Variants in RORA observed in about 807,000 individuals in gnomAD.
The protein encoded by RORA is nuclear receptor ROR-alpha.
RORA carries 7 observed loss-of-function variants against 69.5 expected under a neutral mutation model. The observed-to-expected ratio is 0.10, with a 90% CI of 0.06 to 0.19. The LOEUF (loss-of-function observed/expected upper bound fraction) is 0.19. Among genes scored for constraint, RORA ranks in the 10% least tolerant of loss-of-function variants. RORA has a pLI of 1.00. For missense variants in RORA, 457 were observed against 663.0 expected, an observed-to-expected ratio of 0.69 and a Z score of 3.41; for synonymous variants, 261 against 240.8, an observed-to-expected ratio of 1.08 and a Z score of -0.78.
chr15:61,025,083 T>C (rs972742434), intron 1 of RORA, among the ~76,000 whole-genome samples: 7 of 152,130 alleles, frequency 4.6e-5, no homozygotes, highest in African/African-American at 1.7e-4. Flanking sequence ...ACATATCTAA[T>C]GAATCAAACA....
At chr15:61,085,259 C>A (rs1166172588) in intron 1 of RORA, among the ~76,000 whole-genome samples, 1 of 152,204 alleles carries the variant, frequency 6.6e-6, no homozygotes, top group Non-Finnish European at 1.5e-5. Flanking sequence ...ACTGACATCC[C>A]CACAGCATAC....
intron 1 of RORA, among the ~76,000 whole-genome samples, chr15:60,951,158 T>C (rs2140334004): frequency 6.6e-6 from 1 of 152,126 alleles, no homozygotes; most frequent in East Asian, 1.9e-4. Context: ...CTCAACTACA[T>C]GGAAACTGAA....
At chr15:60,550,720 A>T (rs543114368) in intron 2 of RORA, among the ~76,000 whole-genome samples, 96 of 152,312 alleles carry the variant, frequency 6.3e-4, no homozygotes, top group African/African-American at 2.2e-3. Flanking sequence ...GTGACTCTCC[A>T]AGGGGATGAT....
intron 1 of RORA, among the ~76,000 whole-genome samples, chr15:61,029,526 C>T (rs1015167447): frequency 1.3e-5 from 2 of 152,074 alleles, no homozygotes; most frequent in South Asian, 4.1e-4. Context: ...GTAAGGAGTA[C>T]AGACGGGAGG....
intron 2 of RORA, among the ~76,000 whole-genome samples, chr15:60,640,921 A>C (rs80041634): frequency 0.034 from 5,222 of 152,132 alleles, 299 homozygotes; most frequent in African/African-American, 0.12. Flanking sequence ...TGAGAATGTG[A>C]GCTCCAGGAA....
At chr15:60,597,640 AT>A (rs2068726086) in intron 2 of RORA, among the ~76,000 whole-genome samples, 1 of 89,518 alleles carries the variant, frequency 1.1e-5, no homozygotes, top group African/African-American at 4.7e-5. Flanking sequence ...ATACATATAT[AT>A]ATATATATGT....
In RORA at chr15:61,106,850, CT is replaced by C. The variant is rs1162425801; in HGVS notation, c.166+122202del. On this transcript the variant is annotated intron_variant, in intron 1 of 10. Transcript: ENST00000335670. ...TTTATTTGAATTAAAGTAGGTCTTC[CT>C]ACGAGCAGTTCAAAGTAGAAAGAGG... Among the ~76,000 whole-genome samples, 4 of 152,228 alleles carry C rather than the reference CT, an allele frequency of 2.6e-5. 1 individual carries two copies. The South Asian group carries it at 8.3e-4, about 32-fold the overall frequency.
At chr15:61,167,482 A>ATTTTTTTTTTTTTTTTTTTTTTTTTT (rs199752865) in intron 1 of RORA, among the ~76,000 whole-genome samples, 1 of 133,656 alleles carries the variant, frequency 7.5e-6, no homozygotes, top group African/African-American at 2.9e-5. Context: ...TTTGACCAGG[A>ATTTTTTTTTTTTTTTTTTTTTTTTTT]TTTTTTTTTT....
At chr15:60,973,588 C>T (rs1270378493) in intron 1 of RORA, among the ~76,000 whole-genome samples, 1 of 152,230 alleles carries the variant, frequency 6.6e-6, no homozygotes, top group South Asian at 2.1e-4. Context: ...CACTCTGAAA[C>T]TTGTAACAGT....
chr15:60,701,354 C>A (rs1404646155), intron 1 of RORA, among the ~76,000 whole-genome samples: 1 of 152,156 alleles, frequency 6.6e-6, no homozygotes, highest in Non-Finnish European at 1.5e-5. Context: ...AAAAGCTTCA[C>A]ATGGGCAAGA....
intron 2 of RORA, among the ~76,000 whole-genome samples, chr15:60,556,090 C>G (rs1595967308): frequency 6.6e-6 from 1 of 152,084 alleles, no homozygotes; most frequent in Non-Finnish European, 1.5e-5. Context: ...AATAGTCCCT[C>G]TACTTTCCAA....
intron 1 of RORA, among the ~76,000 whole-genome samples, chr15:60,735,576 GA>G (rs562172056): frequency 3.8e-4 from 51 of 135,182 alleles, no homozygotes; most frequent in South Asian, 9.1e-4. Context: ...GGGAAAAAAG[GA>G]AAAAAAAAAA....
intron 1 of RORA, among the ~76,000 whole-genome samples, chr15:60,962,053 A>G (rs1305612512): frequency 1.3e-5 from 2 of 152,224 alleles, no homozygotes; most frequent in African/African-American, 4.8e-5. Context: ...TTTTCTTCTT[A>G]CTGTGACCAC....
At chr15:60,755,577 T>A (rs890748306) in intron 1 of RORA, among the ~76,000 whole-genome samples, 1 of 152,158 alleles carries the variant, frequency 6.6e-6, no homozygotes, top group African/African-American at 2.4e-5. Flanking sequence ...TTCACAATGG[T>A]TGAACTAGTT....
intron 1 of RORA, among the ~76,000 whole-genome samples, chr15:60,786,956 C>G (rs1435806092): frequency 6.6e-6 from 1 of 152,194 alleles, no homozygotes; most frequent in Non-Finnish European, 1.5e-5. Flanking sequence ...TTCTCAGGGT[C>G]AGTGTCTCAG....
chr15:61,208,861 T>A (rs966464540), intron 1 of RORA, among the ~76,000 whole-genome samples: 1 of 152,182 alleles, frequency 6.6e-6, no homozygotes, highest in Admixed American at 6.5e-5. Context: ...ATAAAGATAA[T>A]AAAATATCCT....
chr15:60,582,407 G>C (rs897903627), intron 2 of RORA, among the ~76,000 whole-genome samples: 2 of 152,152 alleles, frequency 1.3e-5, no homozygotes, highest in African/African-American at 4.8e-5. Flanking sequence ...CGGTAGAGAT[G>C]GAAAAGATCT....
At chr15:60,768,155 T>C (rs1197657646) in intron 1 of RORA, among the ~76,000 whole-genome samples, 3 of 152,238 alleles carry the variant, frequency 2.0e-5, no homozygotes, top group East Asian at 1.9e-4. Context: ...CCCTCGCTTA[T>C]CCTCCAAACT....
At chr15:61,197,343 A>G (rs966083364) in intron 1 of RORA, among the ~76,000 whole-genome samples, 27 of 152,212 alleles carry the variant, frequency 1.8e-4, no homozygotes, top group Non-Finnish European at 2.4e-4. Flanking sequence ...TCCCGTCTCC[A>G]GGCAAGGGCT....
Sources: allele counts gnomAD v4.1 joint callset (sites outside exome capture counted in the v4.1 genomes callset), GRCh38; gene constraint gnomAD v4.1.1; transcripts MANE v1.5; gene names NCBI Gene and HGNC (gene_info 2026-07-23, HGNC 2026-07-21).